The following NCOR2 variants were observed in gnomAD, a reference collection of about 807,000 sequenced individuals.
NCOR2 encodes nuclear receptor corepressor 2, also known as CTG repeat protein 26.
A neutral mutation model predicts 262.9 loss-of-function variants in NCOR2; 81 were observed. The observed-to-expected ratio is 0.31, with a 90% CI of 0.26 to 0.37. The LOEUF (loss-of-function observed/expected upper bound fraction) is 0.37. Among genes scored for constraint, NCOR2 ranks in the 10% least tolerant of loss-of-function variants. NCOR2 has a pLI of 1.00. For synonymous variants in NCOR2, 1,659 were observed against 1,559.3 expected (o/e 1.06, Z -1.51); for missense variants, 3,385 against 3,621.4 (o/e 0.93, Z 1.68).
chr12:124,343,031 A>G (rs1342647598), exon 33 of NCOR2: 3 of 1,611,476 alleles, frequency 1.9e-6, no homozygotes, highest in East Asian at 2.2e-5. Context: ...GCCGCGGGGT[A>G]TGGAGGTGGG....
At chr12:124,414,692 A>T (rs2042764463) in intron 13 of NCOR2, among the ~76,000 whole-genome samples, 1 of 152,242 alleles carries the variant, frequency 6.6e-6, no homozygotes. Context: ...ATCGGGGAAG[A>T]GGCAGACAGC....
intron 29 of NCOR2, 112 bp from the exon 32 acceptor site, chr12:124,348,023 G>C: frequency 6.9e-7 from 1 of 1,451,372 alleles, no homozygotes; most frequent in East Asian, 2.5e-5. Flanking sequence ...TGATGGTGGA[G>C]TAGGACCCAG....
chr12:124,564,875 C>T lies in NCOR2; in HGVS notation c.-165+2433G>A, dbSNP rs867206453. Among the ~76,000 whole-genome samples, 34 of 151,926 alleles carry T rather than the reference C, an allele frequency of 2.2e-4. 1 individual carries two copies. The highest frequency in any genetic ancestry group is 2.4e-4 in the Non-Finnish European group (16 of 67,964). On this transcript the variant is annotated intron_variant, in intron 1 of 32. Coordinates refer to the NCOR2 transcript ENST00000458234. ...CAGGACTCCTGGGGCTAGCTTCCAA[C>T]TCCCTCGGTGGGTGTCTGCGCTGCC...
upstream of NCOR2, among the ~76,000 whole-genome samples, chr12:124,540,465 AGAGCTGGAGGGGGATGGGGAGTG>A (rs1205451724): frequency 1.0e-4 from 3 of 30,036 alleles, no homozygotes; most frequent in Non-Finnish European, 1.8e-4. Flanking sequence ...ATGGAGGTGG[AGAGCTGGAGGGGGATGGGGAGTG>A]GAGCTGGAGG....
intron 8 of NCOR2, among the ~76,000 whole-genome samples, chr12:124,433,891 C>CACAA (rs2044165695): frequency 8.3e-6 from 1 of 120,666 alleles, no homozygotes; most frequent in African/African-American, 4.2e-5. Context: ...CACACACACA[C>CACAA]ACACACACGC....
At chr12:124,335,778 T>A in intron 38 of NCOR2, 146 bp from the exon 41 acceptor site, 1 of 881,162 alleles carries the variant, frequency 1.1e-6, no homozygotes, top group African/African-American at 1.7e-5. Context: ...CCAAAGACAG[T>A]AAGGCAGAGA....
At chr12:124,441,502 G>A (rs924103673) in intron 7 of NCOR2, among the ~76,000 whole-genome samples, 1 of 152,212 alleles carries the variant, frequency 6.6e-6, no homozygotes, top group Non-Finnish European at 1.5e-5. Flanking sequence ...CAAGAGAGGA[G>A]GGAAACAGAA....
At chr12:124,536,122 C>T (rs2051106916), upstream of NCOR2, among the ~76,000 whole-genome samples, 1 of 152,122 alleles carries the variant, frequency 6.6e-6, no homozygotes, top group Admixed American at 6.5e-5. Context: ...GATATAGTCT[C>T]GCTCTGTCAC....
chr12:124,486,678 C>T, intron 1 of NCOR2, 110 bp from the exon 4 acceptor site: 1 of 1,356,910 alleles, frequency 7.4e-7, no homozygotes, highest in Non-Finnish European at 9.7e-7. Flanking sequence ...TCGCTCCTGC[C>T]CTAGGCAGAT....
intron 19 of NCOR2, among the ~76,000 whole-genome samples, chr12:124,374,134 G>A (rs1298832222): frequency 6.6e-6 from 1 of 152,192 alleles, no homozygotes; most frequent in Non-Finnish European, 1.5e-5. Flanking sequence ...CCCTGCATTT[G>A]CTATCAGGGA....
rs2034542765 is a variant in NCOR2 at position 124,325,430 on chromosome 12, T to G, written c.7517A>C (p.Gln2506Pro). 1.8e-5 allele frequency: 19 copies of G among 1,049,494 alleles called. 1 individual carries two copies. In the South Asian group the frequency reaches 4.1e-4, roughly 22 times the overall value. The allele number at this position is 1,049,494 out of a possible 1,614,324, so 65.0% of individuals were successfully genotyped here. A position where few individuals can be genotyped will look rare whatever the true frequency, so the allele number is the denominator to read the frequency against. The stretch of plus-strand genomic sequence containing the variant: ...CTCGCTGTCGGAGAGTGTCTCGTAC[T>G]GCGAGCAGAGCAGTGGCTTGGGCTC... Residue 2506 changes from glutamine to proline, a missense_variant, in exon 47 of 47, where the codon CAG (glutamine) becomes CCG (proline). Around this residue, in one of 5 missense-constraint regions of NCOR2, gnomAD observed 1,017 missense variants for 967.2 expected, o/e 1.05. Coordinates refer to ENST00000405201, the Ensembl canonical transcript of NCOR2.
intron 6 of NCOR2, among the ~76,000 whole-genome samples, chr12:124,450,761 T>C (rs1206970234): frequency 6.6e-6 from 1 of 152,212 alleles, no homozygotes; most frequent in Non-Finnish European, 1.5e-5. Flanking sequence ...GAACCTTGCT[T>C]AGCAACCAAG....
chr12:124,435,006 G>A (rs966763180), intron 8 of NCOR2, among the ~76,000 whole-genome samples: 1 of 152,204 alleles, frequency 6.6e-6, no homozygotes. Context: ...AATAAAACCT[G>A]AATGTTCCAT....
intron 16 of NCOR2, among the ~76,000 whole-genome samples, chr12:124,386,200 G>A (rs76737739): frequency 0.032 from 4,814 of 152,178 alleles, 217 homozygotes; most frequent in African/African-American, 0.099. Flanking sequence ...GCCACTGCGC[G>A]GGAGTCTGGG....
chr12:124,330,815 C>T (rs1446715349), intron 44 of NCOR2, 30 bp downstream of exon 46: 1 of 1,562,558 alleles, frequency 6.4e-7, no homozygotes, highest in Non-Finnish European at 8.7e-7. Flanking sequence ...GGGACCAGGG[C>T]AGCCATATAG....
Position 124,437,786 on chromosome 12 carries a change from G to A in NCOR2, c.882+144C>T, listed in dbSNP as rs3782272. The A allele has an allele frequency of 2.3e-3, 933 of 397,460 alleles. 23 individuals are homozygous for A. The East Asian group carries it at 0.082, about 35-fold the overall frequency. 24.6% of individuals were successfully genotyped at this position (397,460 alleles called of 1,614,324 possible). A position where few individuals can be genotyped will look rare whatever the true frequency, so the allele number is the denominator to read the frequency against. ...TGTTGTCTTTCCTCCTTTCCTGGCCGGCCTTGGCTTTTCCTCCGCAGCCTG... is the reference window on the plus strand; with the variant it reads ...TGTTGTCTTTCCTCCTTTCCTGGCCAGCCTTGGCTTTTCCTCCGCAGCCTG... On this transcript the variant is annotated intron_variant, in intron 8 of 46. Coordinates refer to ENST00000405201, the Ensembl canonical transcript of NCOR2.
intron 1 of NCOR2, among the ~76,000 whole-genome samples, chr12:124,559,304 A>G (rs2051993265): frequency 6.6e-6 from 1 of 152,178 alleles, no homozygotes; most frequent in South Asian, 2.1e-4. Flanking sequence ...TATTGCCTCC[A>G]AAACAATCCC....
chr12:124,427,909 C>A (rs2043649036), intron 10 of NCOR2, among the ~76,000 whole-genome samples: 1 of 152,172 alleles, frequency 6.6e-6, no homozygotes, highest in South Asian at 2.1e-4. Context: ...CTCCCTTGCA[C>A]ACTCCCGGGG....
At chr12:124,425,034 G>A (rs554202047) in intron 11 of NCOR2, among the ~76,000 whole-genome samples, 10 of 152,330 alleles carry the variant, frequency 6.6e-5, no homozygotes, top group Non-Finnish European at 1.3e-4. Context: ...AGCCCAGGAC[G>A]GCTTTAAATG....
Sources: gnomAD v4.1 joint callset for allele counts (sites outside exome capture counted in the v4.1 genomes callset) on GRCh38, gnomAD v4.1.1 for gene constraint, gnomAD v4.1.1 regional missense constraint, MANE v1.5 for transcripts, NCBI Gene and HGNC (gene_info 2026-07-23, HGNC 2026-07-21) for gene names.